The following COL9A3 variants were observed in gnomAD, a reference collection of about 807,000 sequenced individuals.
COL9A3 encodes the protein collagen alpha-3(IX) chain.
Under a neutral mutation model 110.2 loss-of-function variants are expected in COL9A3, and 82 were observed. The observed-to-expected ratio is 0.74, with a 90% CI of 0.62 to 0.89. COL9A3 has a LOEUF of 0.89. Ranked by LOEUF, COL9A3 falls within the 40% of genes least tolerant of loss-of-function variation. COL9A3 has a pLI of 0.00. For synonymous variants in COL9A3, 494 were observed against 403.8 expected, an observed-to-expected ratio of 1.22 and a Z score of -2.68; for missense variants, 1,066 against 981.3, an observed-to-expected ratio of 1.09 and a Z score of -1.15.
At chr20:62,821,101 GACGTC>G in intron 5 of COL9A3, 75 bp from the exon 6 acceptor site, 1 of 1,430,748 alleles carries the variant, frequency 7.0e-7, no homozygotes, top group Non-Finnish European at 9.7e-7. Flanking sequence ...TTGGAGTTGT[GACGTC>G]ACACTTCAGA....
At position 62,840,541 on chromosome 20, in the gene COL9A3, G is replaced by A; in HGVS notation, c.1865-1G>A. On this transcript the variant is annotated splice_acceptor_variant, in intron 31 of 31. Transcript: ENST00000649368. LOFTEE classifies it high-confidence loss of function. The stretch of plus-strand genomic sequence containing the variant: ...AACTCACCTTTCTGCTCTGTCCCAA[G>A]GACCCCAAGGCGTGCCCGGCACCAG... 1 of 1,611,556 alleles carries A rather than the reference G, an allele frequency of 6.2e-7. No individual in the cohort carries two copies. The highest frequency in any genetic ancestry group is 8.5e-7 in the Non-Finnish European group (1 of 1,179,740).
chr20:62,822,717 A>G (rs2063521426), intron 10 of COL9A3, 85 bp downstream of exon 10: 9 of 1,460,634 alleles, frequency 6.2e-6, no homozygotes, highest in Non-Finnish European at 8.5e-6. Flanking sequence ...GGGCTTGTCC[A>G]TACTGGCAAG....
chr20:62,827,169 G>A lies in COL9A3; in HGVS notation c.793-72G>A. On this transcript the variant is annotated intron_variant, in intron 15 of 31. Coordinates refer to ENST00000649368, the MANE Select transcript of COL9A3 (RefSeq NM_001853.4). Reference sequence around the variant, plus strand: ...GGGCTGTCCCCCGCCCGGGCCTGGAGGGGCCCCCGTCCTACTCTCCGACCA... The same window carrying A: ...GGGCTGTCCCCCGCCCGGGCCTGGAAGGGCCCCCGTCCTACTCTCCGACCA... The A allele has an allele frequency of 2.6e-6, 4 of 1,543,304 alleles. No homozygotes were observed. The South Asian group carries it at 4.5e-5, about 17-fold the overall frequency.
Position 62,837,163 on chromosome 20 carries a change from C to G in COL9A3, c.1684C>G (p.Pro562Ala), listed in dbSNP as rs750055357. 1.9e-6 allele frequency: 3 copies of G among 1,613,004 alleles called. No individual in the cohort carries two copies. Among genetic ancestry groups the G allele is most frequent in the East Asian group, 2.2e-5 (1 of 44,874 alleles). ...SIGRPGPAGP[P>A]GPPGPPGSIG... ...TGGTCGGCCCGGTCCAGCTGGCCCC[C>G]CTGGGCCCCCAGGACCCCCAGGCTC... Residue 562 changes from proline (P) to alanine (A), a missense_variant, in exon 30 of 32, where the codon CCT becomes GCT. Transcript: ENST00000649368.
At chr20:62,825,715 A>G (rs544197432) in intron 12 of COL9A3, 102 bp from the exon 13 acceptor site, 2 of 1,216,030 alleles carry the variant, frequency 1.6e-6, no homozygotes, top group South Asian at 2.6e-5. Context: ...TGAAGGGGGC[A>G]ACACCCCCAG....
rs781349385 is a variant in COL9A3, at chr20:62,827,222, C to T, written c.793-19C>T. The T allele has an allele frequency of 3.8e-5, 61 of 1,612,998 alleles. No homozygotes were observed. The highest frequency in any genetic ancestry group is 5.1e-5 in the Non-Finnish European group (60 of 1,179,872). On this transcript the variant is annotated intron_variant, in intron 15 of 31. Coordinates refer to ENST00000649368, the MANE Select transcript of COL9A3 (RefSeq NM_001853.4). ...TCCATGGTGTTAACTCTGTCCCTGC[C>T]CCACCTCATCCTTTCCAGGGTGACC...
rs773182353 is a variant in COL9A3, at chr20:62,829,757, T to C, written c.1108-9T>C. On this transcript the variant is annotated splice_polypyrimidine_tract_variant and intron_variant, in intron 21 of 31. Transcript: ENST00000649368. ...CCCTGCCCTGACACCCTCCTTCCTT[T>C]CCCTGTAGGGAGATGCTGGCATGCC... 1 of 1,591,158 alleles carries C rather than the reference T, an allele frequency of 6.3e-7. No homozygotes were observed. The highest frequency in any genetic ancestry group is 2.3e-5 in the East Asian group (1 of 44,036).
At chr20:62,832,276 G>C (rs1478602080) in intron 25 of COL9A3, 87 bp downstream of exon 25, 1 of 1,417,446 alleles carries the variant, frequency 7.1e-7, no homozygotes, top group Non-Finnish European at 9.9e-7. Flanking sequence ...CTCTGGCCCT[G>C]GCTGTGTTTT....
At chr20:62,824,932 G>A (rs1400266371) in intron 11 of COL9A3, 36 bp from the exon 12 acceptor site, 2 of 1,595,436 alleles carry the variant, frequency 1.3e-6, no homozygotes, top group Non-Finnish European at 8.5e-7. Flanking sequence ...GTGTCGGGGG[G>A]TCTGGGTGGG....
At chr20:62,817,925 C>G in intron 2 of COL9A3, 1 of 524,356 alleles carries the variant, frequency 1.9e-6, no homozygotes, top group African/African-American at 1.9e-5. Context: ...GGGTTCTGGC[C>G]TCTGGCTGAA....
chr20:62,836,964 CA>C, intron 29 of COL9A3, 118 bp from the exon 30 acceptor site: 2 of 1,307,004 alleles, frequency 1.5e-6, no homozygotes, highest in Non-Finnish European at 1.1e-6. Context: ...CATTTTCCAT[CA>C]ATCAGAAGGA....
At chr20:62,818,114 C>T (rs1403575099) in intron 2 of COL9A3, among the ~76,000 whole-genome samples, 2 of 152,152 alleles carry the variant, frequency 1.3e-5, no homozygotes, top group African/African-American at 4.8e-5. Flanking sequence ...TGAAATTCTA[C>T]AATTGTGCCT....
Position 62,827,981 on chromosome 20 carries a change from G to A in COL9A3, c.900+5G>A, listed in dbSNP as rs765755804. On this transcript the variant is annotated splice_donor_5th_base_variant and intron_variant, in intron 17 of 31. Coordinates refer to ENST00000649368, the MANE Select transcript of COL9A3 (RefSeq NM_001853.4). ...GCCGGGCCAAGCGGAGAGCCGGTGA[G>A]TGCACGTGGCTGCTCATGGAATGCT... is the stretch of plus-strand genomic sequence containing the variant. The A allele has an allele frequency of 1.2e-6, 2 of 1,612,914 alleles. No individual in the cohort carries two copies.
Position 62,819,227 on chromosome 20 carries a change from A to G in COL9A3, c.189A>G (p.Pro63=), listed in dbSNP as rs1600787683. 2 of 1,612,688 alleles carry G rather than the reference A, an allele frequency of 1.2e-6. No homozygotes were observed. Among genetic ancestry groups the G allele is most frequent in the Non-Finnish European group, 1.7e-6 (2 of 1,179,934 alleles). Residue 63 remains proline (P), a synonymous_variant, in exon 4 of 32, where the codon CCA becomes CCG. Transcript: ENST00000649368. ...TGCCCTTTCCTCCTGCACAGGGACC[A>G]AAGGGGGCCCCAGGAAAGCCGGGGA... is the stretch of plus-strand genomic sequence containing the variant. ...GPPGLPGPPG[P]KGAPGKPGKP...
intron 11 of COL9A3, 67 bp downstream of exon 11, chr20:62,824,568 G>A: frequency 6.7e-7 from 1 of 1,491,884 alleles, no homozygotes; most frequent in East Asian, 2.5e-5. Flanking sequence ...GGGCTCCCAT[G>A]GGGCTGTGGA....
At chr20:62,840,335 C>T (rs1246369555) in intron 31 of COL9A3, among the ~76,000 whole-genome samples, 1 of 152,280 alleles carries the variant, frequency 6.6e-6, no homozygotes, top group South Asian at 2.1e-4. Flanking sequence ...TGGGGCTGGC[C>T]GCGCCTGGCC....
intron 29 of COL9A3, 155 bp from the exon 30 acceptor site, chr20:62,836,928 C>A: frequency 9.9e-7 from 1 of 1,009,434 alleles, no homozygotes; most frequent in Non-Finnish European, 1.5e-6. Flanking sequence ...CTAGCTCCAG[C>A]ATTCATCACC....
chr20:62,817,278 G>A (rs1180209434), intron 1 of COL9A3, 136 bp downstream of exon 1: 12 of 625,582 alleles, frequency 1.9e-5, no homozygotes, highest in Non-Finnish European at 9.2e-6. Context: ...AGTCGCCAGC[G>A]CCTCGGGATG....
At chr20:62,828,846 A>T (rs200730046) in intron 18 of COL9A3, 29 bp downstream of exon 18, 1 of 1,612,376 alleles carries the variant, frequency 6.2e-7, no homozygotes, top group African/African-American at 1.3e-5. Flanking sequence ...GTGTGACGGG[A>T]GGGAGGGGGC....
Sources: allele counts gnomAD v4.1 joint callset (sites outside exome capture counted in the v4.1 genomes callset), GRCh38; gene constraint gnomAD v4.1.1; transcripts MANE v1.5; gene names NCBI Gene and HGNC (gene_info 2026-07-23, HGNC 2026-07-21).